RFTN2: variants seen among roughly 807,000 people sequenced by gnomAD.
The protein encoded by RFTN2 is raftlin-2.
RFTN2 carries 34 observed loss-of-function variants against 52.7 expected under a neutral mutation model. The ratio of observed to expected loss-of-function variants is 0.64; its 90% CI spans 0.49 to 0.86. The LOEUF (loss-of-function observed/expected upper bound fraction) is 0.86. Among genes scored for constraint, RFTN2 ranks in the 40% least tolerant of loss-of-function variants. The pLI is 0.00. For synonymous variants in RFTN2, 203 were observed against 217.7 expected, an observed-to-expected ratio of 0.93 and a Z score of 0.59; for missense variants, 536 against 600.1, an observed-to-expected ratio of 0.89 and a Z score of 1.12.
rs762325488 is a variant in RFTN2, at chr2:197,621,856, A to G, written c.929-3935T>C. On this transcript the variant is annotated intron_variant, in intron 5 of 8. Coordinates refer to ENST00000295049, the MANE Select transcript of RFTN2 (RefSeq NM_144629.3). Reference sequence around the variant, plus strand: ...ATTATTATTAAGCTTAGTGAGGAAGACATGTCAAAGCTGAGACAGGCGGTA... The same window carrying G: ...ATTATTATTAAGCTTAGTGAGGAAGGCATGTCAAAGCTGAGACAGGCGGTA... 2.0e-5 allele frequency among the ~76,000 whole-genome samples: 3 copies of G among 152,234 alleles called. No individual in the cohort carries two copies. In the South Asian group the frequency reaches 6.2e-4, roughly 32 times the overall value.
intron 8 of RFTN2, among the ~76,000 whole-genome samples, chr2:197,582,435 C>T (rs1408784594): frequency 2.0e-5 from 3 of 152,176 alleles, no homozygotes; most frequent in African/African-American, 7.2e-5. Flanking sequence ...TCCTTCTTTC[C>T]TATTCCTCAC....
intron 7 of RFTN2, among the ~76,000 whole-genome samples, chr2:197,611,222 G>A (rs1017119169): frequency 6.6e-6 from 1 of 152,164 alleles, no homozygotes; most frequent in Non-Finnish European, 1.5e-5. Context: ...GTAGAATTTG[G>A]CTGTGAATCC....
At chr2:197,580,390 A>T (rs1196488785) in intron 8 of RFTN2, among the ~76,000 whole-genome samples, 1 of 152,204 alleles carries the variant, frequency 6.6e-6, no homozygotes, top group Non-Finnish European at 1.5e-5. Flanking sequence ...TCTTGCTTCA[A>T]GTGCTGGCTA....
chr2:197,646,647 G>T lies in RFTN2; in HGVS notation c.159C>A (p.Val53=). Residue 53 remains valine, a synonymous_variant, in exon 2 of 9, where the codon GTC becomes GTA. Coordinates refer to ENST00000295049, the MANE Select transcript of RFTN2 (RefSeq NM_144629.3). ...FTLQASSNPE[V]IKINSILDIV... ...TATCCAGAATTGAATTTATCTTGATGACTTCTGGGTTTGATGAAGCTGAAA... is the reference window on the plus strand; with the variant it reads ...TATCCAGAATTGAATTTATCTTGATTACTTCTGGGTTTGATGAAGCTGAAA... The T allele has an allele frequency of 6.2e-7, 1 of 1,612,358 alleles. No homozygotes were observed. Among genetic ancestry groups the T allele is most frequent in the South Asian group, 1.1e-5 (1 of 90,950 alleles).
intron 7 of RFTN2, among the ~76,000 whole-genome samples, chr2:197,596,878 A>G (rs2087800217): frequency 2.0e-5 from 3 of 152,270 alleles, no homozygotes; most frequent in Admixed American, 1.3e-4. Flanking sequence ...TTATTTAACT[A>G]TCATCATGGC....
intron 5 of RFTN2, among the ~76,000 whole-genome samples, chr2:197,629,265 A>C (rs1315905864): frequency 1.3e-5 from 2 of 152,360 alleles, no homozygotes; most frequent in East Asian, 3.9e-4. Context: ...CTATGCAGCC[A>C]TAAAAAAGGA....
chr2:197,578,752 T>C (rs2087458781), intron 8 of RFTN2, among the ~76,000 whole-genome samples: 1 of 152,158 alleles, frequency 6.6e-6, no homozygotes, highest in African/African-American at 2.4e-5. Context: ...TGTTTGGTGG[T>C]CTCTTCACAC....
intron 8 of RFTN2, among the ~76,000 whole-genome samples, chr2:197,593,586 A>G (rs1406441707): frequency 2.6e-5 from 4 of 152,200 alleles, no homozygotes; most frequent in Admixed American, 2.0e-4. Flanking sequence ...CCATTTGTAG[A>G]ATGTTAAAAA....
intron 8 of RFTN2, among the ~76,000 whole-genome samples, chr2:197,594,447 CA>C (rs1307264563): frequency 1.3e-5 from 2 of 151,854 alleles, no homozygotes; most frequent in African/African-American, 4.8e-5. Flanking sequence ...CCCACTTCAA[CA>C]TCCCAAGTAG....
chr2:197,585,414 G>T (rs2087580805), intron 8 of RFTN2, among the ~76,000 whole-genome samples: 1 of 151,970 alleles, frequency 6.6e-6, no homozygotes, highest in Non-Finnish European at 1.5e-5. Context: ...ATATCTCCTG[G>T]TTTTACCTCA....
intron 8 of RFTN2, among the ~76,000 whole-genome samples, chr2:197,575,564 G>A (rs1326089141): frequency 6.6e-6 from 1 of 151,818 alleles, no homozygotes; most frequent in East Asian, 1.9e-4. Context: ...GTTCAGTCCA[G>A]AATAAAGGGG....
At chr2:197,616,481 G>A (rs973797913) in intron 6 of RFTN2, among the ~76,000 whole-genome samples, 6 of 151,620 alleles carry the variant, frequency 4.0e-5, no homozygotes, top group African/African-American at 1.2e-4. Flanking sequence ...TTGTAGAGAT[G>A]GGGTCTCACT....
At chr2:197,635,334 C>G (rs2088548004) in intron 3 of RFTN2, among the ~76,000 whole-genome samples, 1 of 152,304 alleles carries the variant, frequency 6.6e-6, no homozygotes, top group Admixed American at 6.5e-5. Flanking sequence ...AACGGTTGAA[C>G]TAGTTTACAG....
At chr2:197,642,817 C>A (rs1320034142) in intron 3 of RFTN2, among the ~76,000 whole-genome samples, 2 of 151,972 alleles carry the variant, frequency 1.3e-5, no homozygotes, top group Non-Finnish European at 2.9e-5. Context: ...CCTGTCTTTA[C>A]AAAATAAAAA....
At chr2:197,606,103 C>A (rs2087958034) in intron 7 of RFTN2, among the ~76,000 whole-genome samples, 1 of 152,094 alleles carries the variant, frequency 6.6e-6, no homozygotes, top group Admixed American at 6.6e-5. Flanking sequence ...TTTGGAGGGC[C>A]ACAAACCATT....
At chr2:197,572,352 T>C (rs1011338438) in intron 8 of RFTN2, 72 bp from the exon 9 acceptor site, 1 of 1,461,948 alleles carries the variant, frequency 6.8e-7, no homozygotes, top group African/African-American at 1.4e-5. Context: ...GTCTAGCACA[T>C]GCTGCCTTTC....
rs562355290 is a variant in RFTN2 at position 197,604,304 on chromosome 2, T to G, written c.1155-8235A>C. ...CACATGTGTGCACCAAGATCTCTGC[T>G]CATACTCAGAACAGCATTGTTTGTC... On this transcript the variant is annotated intron_variant, in intron 7 of 8. Coordinates refer to ENST00000295049, the MANE Select transcript of RFTN2 (RefSeq NM_144629.3). Among the ~76,000 whole-genome samples the G allele has an allele frequency of 2.0e-5, 3 of 152,290 alleles. No homozygotes were observed. The South Asian group carries it at 6.2e-4, about 32-fold the overall frequency.
chr2:197,572,882 GT>G (rs2087342498), intron 8 of RFTN2, among the ~76,000 whole-genome samples: 1 of 152,152 alleles, frequency 6.6e-6, no homozygotes, highest in Admixed American at 6.5e-5. Context: ...AGATCTGATG[GT>G]TTTATAAAGG....
chr2:197,597,058 G>T (rs995466625), intron 7 of RFTN2, among the ~76,000 whole-genome samples: 2 of 152,136 alleles, frequency 1.3e-5, no homozygotes, highest in Admixed American at 1.3e-4. Flanking sequence ...ATTTTATGCT[G>T]AGCCCTTTTT....
Sources: gnomAD v4.1 joint callset for allele counts (sites outside exome capture counted in the v4.1 genomes callset) on GRCh38, gnomAD v4.1.1 for gene constraint, MANE v1.5 for transcripts, NCBI Gene and HGNC (gene_info 2026-07-23, HGNC 2026-07-21) for gene names.